PLEKHF2: variants seen among roughly 807,000 people sequenced by gnomAD.
PLEKHF2 encodes pleckstrin homology and FYVE domain containing 2, also known as pleckstrin homology domain-containing family F member 2.
A neutral mutation model predicts 14.7 loss-of-function variants in PLEKHF2; 4 were observed. The ratio of observed to expected loss-of-function variants is 0.27; its 90% CI spans 0.13 to 0.62. The LOEUF is 0.62. Among genes scored for constraint, PLEKHF2 ranks in the 20% least tolerant of loss-of-function variants. The probability of loss-of-function intolerance (pLI) is 0.85; values close to 1 mark genes in which losing one functional copy is unlikely to be tolerated. For missense variants in PLEKHF2, 201 were observed against 307.7 expected (o/e 0.65, Z 2.60); for synonymous variants, 90 against 103.5 (o/e 0.87, Z 0.79).
At chr8:95,153,606 G>A (rs1289999738) in intron 1 of PLEKHF2, among the ~76,000 whole-genome samples, 1 of 152,146 alleles carries the variant, frequency 6.6e-6, no homozygotes, top group African/African-American at 2.4e-5. Flanking sequence ...TAGCTCAGTG[G>A]TAATAGCTTA....
Position 95,135,744 on chromosome 8 carries a change from T to C in PLEKHF2, c.-15+1714T>C, listed in dbSNP as rs557145401. Among the ~76,000 whole-genome samples, 3 of 152,366 alleles carry C rather than the reference T, an allele frequency of 2.0e-5. No homozygotes were observed. The East Asian group carries it at 5.8e-4, about 29-fold the overall frequency. ...TTCACAAATGTAGCAGCCAAACTGG[T>C]ATTTAACTGAGATCTTATGACTCTG... On this transcript the variant is annotated intron_variant, in intron 1 of 1. Coordinates refer to ENST00000315367, the MANE Select transcript of PLEKHF2 (RefSeq NM_024613.4).
At chr8:95,141,530 T>A (rs1034525634) in intron 1 of PLEKHF2, among the ~76,000 whole-genome samples, 2 of 151,388 alleles carry the variant, frequency 1.3e-5, no homozygotes, top group Non-Finnish European at 2.9e-5. Context: ...CAGTGTAACT[T>A]TTTTTTTTCT....
Position 95,156,120 on chromosome 8 carries a change from A to G in PLEKHF2, c.*1326A>G, listed in dbSNP as rs1810616276. The G allele has an allele frequency of 6.0e-6, 1 of 167,084 alleles. No individual in the cohort carries two copies. Among genetic ancestry groups the G allele is most frequent in the Non-Finnish European group, 1.5e-5 (1 of 68,104 alleles). 10.4% of individuals were successfully genotyped at this position (167,084 alleles called of 1,614,324 possible). A position where few individuals can be genotyped will look rare whatever the true frequency, so the allele number is the denominator to read the frequency against. ...ATTAGGTTGAAAGTATATATTTATCATATAAAACTTGATGCGTTTTGCACT... is the reference window on the plus strand; with the variant it reads ...ATTAGGTTGAAAGTATATATTTATCGTATAAAACTTGATGCGTTTTGCACT... On this transcript the variant is annotated 3_prime_UTR_variant, in exon 2 of 2. Transcript: ENST00000315367.
intron 1 of PLEKHF2, among the ~76,000 whole-genome samples, chr8:95,150,667 A>G (rs915277039): frequency 1.3e-5 from 2 of 152,188 alleles, no homozygotes; most frequent in African/African-American, 4.8e-5. Context: ...AAAGATTATC[A>G]AGACACCAGC....
chr8:95,154,200 A>G lies in PLEKHF2; in HGVS notation c.156A>G (p.Ala52=). The G allele has an allele frequency of 6.2e-7, 1 of 1,614,014 alleles. No homozygotes were observed. Among genetic ancestry groups the G allele is most frequent in the Non-Finnish European group, 8.5e-7 (1 of 1,179,962 alleles). ...LTKLCRKKPK[A]RQFFLFNDIL... ...AGTTGTGCAGGAAAAAGCCCAAAGC[A>G]AGGCAGTTTTTCTTGTTTAATGATA... Residue 52 remains alanine, a synonymous_variant, in exon 2 of 2, where the codon GCA becomes GCG. Transcript: ENST00000315367. This position sits in a 1 kb window ranked among gnomAD's most constrained non-coding sequence, Gnocchi z 5.6.
intron 1 of PLEKHF2, among the ~76,000 whole-genome samples, chr8:95,135,071 C>T (rs866336042): frequency 6.6e-6 from 1 of 152,122 alleles, no homozygotes; most frequent in African/African-American, 2.4e-5. Context: ...ACGAAGGCTT[C>T]ATTATAATCT....
At chr8:95,150,721 A>G (rs900770340) in intron 1 of PLEKHF2, among the ~76,000 whole-genome samples, 5 of 152,148 alleles carry the variant, frequency 3.3e-5, no homozygotes, top group Non-Finnish European at 7.4e-5. Context: ...GATTTGTTCA[A>G]GGTAGTATTC....
At chr8:95,146,273 A>G (rs1810499626) in intron 1 of PLEKHF2, among the ~76,000 whole-genome samples, 1 of 152,220 alleles carries the variant, frequency 6.6e-6, no homozygotes, top group South Asian at 2.1e-4. Flanking sequence ...AACCAAGATT[A>G]GAATCCAGGT....
intron 1 of PLEKHF2, among the ~76,000 whole-genome samples, chr8:95,135,935 T>C (rs1420278047): frequency 6.6e-6 from 1 of 152,220 alleles, no homozygotes; most frequent in Non-Finnish European, 1.5e-5. Context: ...ATCCTTGTGA[T>C]GAAATTTTTT....
intron 1 of PLEKHF2, among the ~76,000 whole-genome samples, chr8:95,147,608 C>T (rs1810512913): frequency 6.6e-6 from 1 of 151,874 alleles, no homozygotes; most frequent in Admixed American, 6.6e-5. Flanking sequence ...AAGCATTTTG[C>T]TATTTCATTT....
rs760050389 is a variant in PLEKHF2 at position 95,154,473 on chromosome 8, T to C, written c.429T>C (p.Asn143=). 3.7e-6 allele frequency: 6 copies of C among 1,614,092 alleles called. No homozygotes were observed. Among genetic ancestry groups the C allele is most frequent in the Non-Finnish European group, 5.1e-6 (6 of 1,179,956 alleles). ...LLSKSGKTPS[N]EHAAVWVPDS... ...CCAAAAGTGGGAAGACACCCAGTAA[T>C]GAACATGCTGCTGTCTGGGTTCCTG... Residue 143 remains asparagine, a synonymous_variant, in exon 2 of 2, where the codon AAT becomes AAC. Coordinates refer to ENST00000315367, the MANE Select transcript of PLEKHF2 (RefSeq NM_024613.4). This position sits in a 1 kb window ranked among gnomAD's most constrained non-coding sequence, Gnocchi z 5.6.
At chr8:95,141,343 C>T (rs1587304884) in intron 1 of PLEKHF2, among the ~76,000 whole-genome samples, 1 of 152,298 alleles carries the variant, frequency 6.6e-6, no homozygotes, top group East Asian at 1.9e-4. Context: ...TTTTCAGTCT[C>T]TTCCTTCTCA....
chr8:95,141,178 T>G (rs867742118), intron 1 of PLEKHF2, among the ~76,000 whole-genome samples: 1 of 152,338 alleles, frequency 6.6e-6, no homozygotes, highest in African/African-American at 2.4e-5. Context: ...AATTAATCAC[T>G]TAGACTAAAA....
At chr8:95,140,096 T>C (rs532995799) in intron 1 of PLEKHF2, among the ~76,000 whole-genome samples, 2 of 152,330 alleles carry the variant, frequency 1.3e-5, no homozygotes, top group South Asian at 4.1e-4. Flanking sequence ...GGCATCTCTG[T>C]CCCGCAGATG....
intron 1 of PLEKHF2, 34 bp from the exon 2 acceptor site, chr8:95,153,997 A>T: frequency 7.1e-7 from 1 of 1,410,146 alleles, no homozygotes; most frequent in African/African-American, 1.4e-5. Context: ...TTTATAATTT[A>T]TATGTGCTAA....
chr8:95,134,438 G>C (rs567330695), intron 1 of PLEKHF2: 2 of 152,208 alleles, frequency 1.3e-5, no homozygotes, highest in South Asian at 4.1e-4. Flanking sequence ...TCCTGGACAC[G>C]GCCGGGGGCG....
intron 1 of PLEKHF2, among the ~76,000 whole-genome samples, chr8:95,139,541 ATTACT>A (rs1487644682): frequency 1.3e-5 from 2 of 152,160 alleles, no homozygotes. Flanking sequence ...CCTTTGCCAT[ATTACT>A]TTAATGTTCT....
chr8:95,145,181 C>A (rs370488206), intron 1 of PLEKHF2, among the ~76,000 whole-genome samples: 1 of 151,942 alleles, frequency 6.6e-6, no homozygotes. Flanking sequence ...AAATGTGAAT[C>A]AGAATTTTGA....
chr8:95,135,516 T>A (rs1407787885), intron 1 of PLEKHF2, among the ~76,000 whole-genome samples: 1 of 152,148 alleles, frequency 6.6e-6, no homozygotes, highest in Non-Finnish European at 1.5e-5. Context: ...GTGATCCACC[T>A]CGGCCTCCTG....
Sources: gnomAD v4.1 joint callset for allele counts (sites outside exome capture counted in the v4.1 genomes callset) on GRCh38, gnomAD v4.1.1 for gene constraint, Gnocchi (gnomAD v3.1) non-coding constraint, MANE v1.5 for transcripts, NCBI Gene and HGNC (gene_info 2026-07-23, HGNC 2026-07-21) for gene names.